Variants in SLC6A5 observed in about 807,000 individuals in gnomAD.
SLC6A5 encodes the protein solute carrier family 6 member 5.
A neutral mutation model predicts 90.5 loss-of-function variants in SLC6A5; 58 were observed. That is an observed-to-expected ratio of 0.64 (90% CI 0.52 to 0.80). The LOEUF (loss-of-function observed/expected upper bound fraction) is 0.80, where lower values mean the gene tolerates loss of function less well. Ranked by LOEUF, SLC6A5 falls within the 30% of genes least tolerant of loss-of-function variation. The probability of loss-of-function intolerance (pLI) is 0.00; values close to 1 mark genes in which losing one functional copy is unlikely to be tolerated. For missense variants in SLC6A5, 1,015 were observed against 1,017.6 expected (o/e 1.00, Z 0.03); for synonymous variants, 427 against 401.4 (o/e 1.06, Z -0.76).
intron 5 of SLC6A5, among the ~76,000 whole-genome samples, chr11:20,609,969 G>A (rs978127975): frequency 3.3e-5 from 5 of 152,216 alleles, no homozygotes; most frequent in South Asian, 2.1e-4. Context: ...CCTGTCAAGT[G>A]AGACCAGCGG....
chr11:20,610,814 T>A (rs558855519), intron 5 of SLC6A5, among the ~76,000 whole-genome samples: 2 of 152,220 alleles, frequency 1.3e-5, no homozygotes, highest in South Asian at 2.1e-4. Context: ...TTCAGAGACG[T>A]TTTTAGTTGT....
intron 3 of SLC6A5, among the ~76,000 whole-genome samples, chr11:20,605,744 C>G (rs1425665957): frequency 1.3e-5 from 2 of 152,156 alleles, no homozygotes; most frequent in East Asian, 3.9e-4. Context: ...AGGAGCCAGG[C>G]TCTGTGATGC....
intron 7 of SLC6A5, among the ~76,000 whole-genome samples, chr11:20,623,206 G>T (rs546535579): frequency 6.6e-6 from 1 of 152,320 alleles, no homozygotes; most frequent in South Asian, 2.1e-4. Flanking sequence ...GAGAGAAAAG[G>T]AGTGCAGTCC....
chr11:20,620,170 A>T (rs1253513417), intron 7 of SLC6A5, among the ~76,000 whole-genome samples: 1 of 152,184 alleles, frequency 6.6e-6, no homozygotes, highest in African/African-American at 2.4e-5. Context: ...GTGAGTGGCC[A>T]GACAGGTGCC....
At chr11:20,610,857 T>G (rs1196250720) in intron 5 of SLC6A5, among the ~76,000 whole-genome samples, 1 of 152,116 alleles carries the variant, frequency 6.6e-6, no homozygotes, top group East Asian at 1.9e-4. Context: ...ATTTAGTAGG[T>G]GGAGGCCAGG....
chr11:20,639,137 A>G (rs530169518), intron 13 of SLC6A5, among the ~76,000 whole-genome samples: 1 of 152,166 alleles, frequency 6.6e-6, no homozygotes, highest in African/African-American at 2.4e-5. Flanking sequence ...CAGTGGGGCC[A>G]TTATCAACAA....
intron 7 of SLC6A5, among the ~76,000 whole-genome samples, chr11:20,625,322 C>T (rs55930586): frequency 0.24 from 37,195 of 151,912 alleles, 4,667 homozygotes; most frequent in African/African-American, 0.32. Context: ...AGTGCAATGG[C>T]GTGATCTCTG....
rs78516013 is a variant in SLC6A5, at chr11:20,614,964, G to A, written c.1127+144G>A. 0.035 allele frequency: 27,247 copies of A among 781,758 alleles called. 3,478 individuals carry two copies. In the East Asian group the frequency reaches 0.38, roughly 11 times the overall value. The allele number at this position is 781,758 out of a possible 1,614,324, so 48.4% of individuals were successfully genotyped here. A position where few individuals can be genotyped will look rare whatever the true frequency, so the allele number is the denominator to read the frequency against. On this transcript the variant is annotated intron_variant, in intron 6 of 15. Transcript: ENST00000525748. ...TTTTTCCCTGGTTTGGCTTCCAAGA[G>A]CAGATTGTTGTGTCTTGTGAGCCTG... is the stretch of plus-strand genomic sequence containing the variant.
intron 14 of SLC6A5, among the ~76,000 whole-genome samples, chr11:20,648,743 C>G (rs1853470218): frequency 6.6e-6 from 1 of 152,138 alleles, no homozygotes; most frequent in Admixed American, 6.5e-5. Flanking sequence ...GCTTTTCTTC[C>G]CACCCCAAAA....
chr11:20,607,693 A>G, intron 5 of SLC6A5, 41 bp downstream of exon 5: 1 of 1,515,862 alleles, frequency 6.6e-7, no homozygotes, highest in South Asian at 1.1e-5. Flanking sequence ...TGTATTCTAA[A>G]CTATCCATTT....
chr11:20,643,772 C>G (rs765109129), intron 13 of SLC6A5, among the ~76,000 whole-genome samples: 3 of 152,202 alleles, frequency 2.0e-5, no homozygotes, highest in Non-Finnish European at 4.4e-5. Context: ...GATGAATCGT[C>G]ATACTGTTCC....
At chr11:20,607,778 C>G in intron 5 of SLC6A5, 126 bp downstream of exon 5, 1 of 722,098 alleles carries the variant, frequency 1.4e-6, no homozygotes, top group South Asian at 1.6e-5. Flanking sequence ...GAGATTACAT[C>G]AAACTATCAA....
chr11:20,643,097 C>T (rs1301595708), intron 13 of SLC6A5, among the ~76,000 whole-genome samples: 2 of 152,172 alleles, frequency 1.3e-5, no homozygotes, highest in Non-Finnish European at 2.9e-5. Flanking sequence ...TTAGGTCTAA[C>T]CTTGAGCCCT....
At chr11:20,605,023 G>T (rs7123182) in intron 3 of SLC6A5, among the ~76,000 whole-genome samples, 152,192 of 152,286 alleles carry the variant, frequency 1, 76,049 homozygotes, top group Non-Finnish European at 1. Flanking sequence ...AGGTGCTGCT[G>T]TTGAATGAAA....
At chr11:20,634,962 T>C (rs4923606) in intron 10 of SLC6A5, among the ~76,000 whole-genome samples, 151,891 of 152,214 alleles carry the variant, frequency 1, 75,789 homozygotes, top group Middle Eastern at 1. Context: ...TGTCTTTAGC[T>C]ACCTTTGATT....
rs1816535779 is a variant in SLC6A5, at chr11:20,604,424, G to A, written c.679G>A (p.Gly227Ser). ...CTACCTGGCCTTCCAGAACGGGGGA[G>A]GTATGGCTTTTCCGCTCTTTCCGCC... ...FPYLAFQNGGGAFLIPYLMML... is the reference protein window; with the variant it reads ...FPYLAFQNGGSAFLIPYLMML... The change falls in exon 3 of 16, where the codon GGT becomes AGT. Residue 227 changes from glycine to serine, a missense_variant and splice_region_variant. Transcript: ENST00000525748. 3 of 1,613,604 alleles carry A rather than the reference G, an allele frequency of 1.9e-6. No individual in the cohort carries two copies. The highest frequency in any genetic ancestry group is 1.7e-6 in the Non-Finnish European group (2 of 1,179,838).
chr11:20,646,722 G>A (rs1853421808), intron 13 of SLC6A5, 112 bp from the exon 14 acceptor site: 3 of 759,314 alleles, frequency 4.0e-6, no homozygotes, highest in African/African-American at 3.4e-5. Context: ...TACAGGGCTG[G>A]GGCCAGCCCT....
Position 20,659,194 on chromosome 11 carries a change from T to A in SLC6A5, c.*4326T>A, listed in dbSNP as rs553555550. 1.3e-5 allele frequency: 2 copies of A among 151,978 alleles called. No homozygotes were observed. Among genetic ancestry groups the A allele is most frequent in the East Asian group, 3.9e-4 (2 of 5,176 alleles). 9.4% of individuals were successfully genotyped at this position (151,978 alleles called of 1,614,324 possible). A position where few individuals can be genotyped will look rare whatever the true frequency, so the allele number is the denominator to read the frequency against. Reference sequence around the variant, plus strand: ...AAAATGCAATTTATTGTATTATATATTTGCCTATTATGTACTGATATAAAT... The same window carrying A: ...AAAATGCAATTTATTGTATTATATAATTGCCTATTATGTACTGATATAAAT... On this transcript the variant is annotated 3_prime_UTR_variant, in exon 16 of 16. Coordinates refer to ENST00000525748, the MANE Select transcript of SLC6A5 (RefSeq NM_004211.5).
At position 20,659,081 on chromosome 11, in the gene SLC6A5, A is replaced by ATC. The variant is rs1491064329; in HGVS notation, c.*4215_*4216dup. 1.5e-5 allele frequency: 2 copies of ATC among 134,184 alleles called. No homozygotes were observed. Among genetic ancestry groups the ATC allele is most frequent in the Admixed American group, 7.5e-5 (1 of 13,254 alleles). The allele number at this position is 134,184 out of a possible 1,614,324, so 8.3% of individuals were successfully genotyped here. A position where few individuals can be genotyped will look rare whatever the true frequency, so the allele number is the denominator to read the frequency against. On this transcript the variant is annotated 3_prime_UTR_variant, in exon 16 of 16. Transcript: ENST00000525748. Reference sequence around the variant, plus strand: ...TATATATATATATATATATATATATATCTTATAGATTACATATTATATACT... The same window carrying ATC: ...TATATATATATATATATATATATATATCTCTTATAGATTACATATTATATACT...
Sources: gnomAD v4.1 joint callset for allele counts (sites outside exome capture counted in the v4.1 genomes callset) on GRCh38, gnomAD v4.1.1 for gene constraint, MANE v1.5 for transcripts, NCBI Gene and HGNC (gene_info 2026-07-23, HGNC 2026-07-21) for gene names.